CCDC38: variants seen among roughly 807,000 people sequenced by gnomAD.
CCDC38 encodes coiled-coil domain-containing protein 38.
A neutral mutation model predicts 72.8 loss-of-function variants in CCDC38; 69 were observed. That is an observed-to-expected ratio of 0.95 (90% CI 0.78 to 1.16). CCDC38 has a LOEUF of 1.16. CCDC38 is among the 50% of genes most tolerant of loss of function. The pLI is 0.00. For synonymous variants in CCDC38, 201 were observed against 213.2 expected, an observed-to-expected ratio of 0.94 and a Z score of 0.50; for missense variants, 626 against 638.9, an observed-to-expected ratio of 0.98 and a Z score of 0.22.
chr12:95,886,995 C>A (rs933984170), intron 10 of CCDC38, among the ~76,000 whole-genome samples: 12 of 152,188 alleles, frequency 7.9e-5, no homozygotes, highest in Admixed American at 1.3e-4. Flanking sequence ...ACCAGCCTGA[C>A]CAACATGGTG....
In CCDC38 at chr12:95,927,496, T is replaced by G. The variant is rs1592803589; in HGVS notation, c.38-8520A>C. ...ATGGGTCTTGACTCTTTATCCAATT[T>G]GCCAGTCTGTGCCTTTTAATTGAAG... On this transcript the variant is annotated intron_variant, in intron 2 of 15. Coordinates refer to ENST00000344280, the MANE Select transcript of CCDC38 (RefSeq NM_182496.3). 7.3e-5 allele frequency among the ~76,000 whole-genome samples: 11 copies of G among 151,534 alleles called. 1 individual carries two copies. In the South Asian group the frequency reaches 2.3e-3, roughly 32 times the overall value.
chr12:95,900,665 C>G (rs1241926151), intron 5 of CCDC38, among the ~76,000 whole-genome samples: 1 of 152,102 alleles, frequency 6.6e-6, no homozygotes, highest in African/African-American at 2.4e-5. Context: ...CATTAGAATG[C>G]CTGAGTATTT....
chr12:95,924,709 T>G (rs1232858766), intron 2 of CCDC38, among the ~76,000 whole-genome samples: 1 of 151,404 alleles, frequency 6.6e-6, no homozygotes. Context: ...CTTGAATTAA[T>G]TTTTGTATAA....
At chr12:95,874,840 G>T (rs2079619068) in intron 13 of CCDC38, among the ~76,000 whole-genome samples, 1 of 152,166 alleles carries the variant, frequency 6.6e-6, no homozygotes. Flanking sequence ...AAGGTTGCCG[G>T]GGTGGATATC....
intron 2 of CCDC38, among the ~76,000 whole-genome samples, chr12:95,924,589 G>T (rs1263647978): frequency 1.3e-5 from 2 of 150,832 alleles, no homozygotes; most frequent in Non-Finnish European, 3.0e-5. Context: ...ATTGCTTTTG[G>T]TGTTTTAGAC....
At chr12:95,892,948 A>G (rs1225531681) in intron 8 of CCDC38, among the ~76,000 whole-genome samples, 1 of 152,124 alleles carries the variant, frequency 6.6e-6, no homozygotes. Flanking sequence ...GACTGTTTCA[A>G]TTACTGAGAC....
chr12:95,874,064 CACTT>C (rs1231409276), intron 13 of CCDC38, among the ~76,000 whole-genome samples: 30 of 152,266 alleles, frequency 2.0e-4, no homozygotes, highest in Admixed American at 8.5e-4. Context: ...TCTAAAATAA[CACTT>C]ACTGTGTTTC....
chr12:95,885,954 T>A (rs1343760578), intron 10 of CCDC38, among the ~76,000 whole-genome samples: 1 of 152,184 alleles, frequency 6.6e-6, no homozygotes, highest in East Asian at 1.9e-4. Context: ...GGATAACATA[T>A]CTATACTGTG....
At chr12:95,891,662 T>C (rs116988617) in intron 8 of CCDC38, among the ~76,000 whole-genome samples, 1 of 152,258 alleles carries the variant, frequency 6.6e-6, no homozygotes, top group Non-Finnish European at 1.5e-5. Flanking sequence ...AAGGACTGAA[T>C]TTTAAATTGT....
intron 2 of CCDC38, among the ~76,000 whole-genome samples, chr12:95,927,266 T>C (rs1273224522): frequency 6.6e-6 from 1 of 152,052 alleles, no homozygotes; most frequent in Non-Finnish European, 1.5e-5. Context: ...TTAGCTCTTC[T>C]TGTTGAATTG....
chr12:95,891,536 T>C (rs1292122971), intron 8 of CCDC38, among the ~76,000 whole-genome samples: 1 of 151,954 alleles, frequency 6.6e-6, no homozygotes, highest in Non-Finnish European at 1.5e-5. Context: ...TTTGTAGAGA[T>C]GGGGTTTCAC....
At chr12:95,897,114 A>G (rs1463915857) in intron 7 of CCDC38, among the ~76,000 whole-genome samples, 2 of 152,176 alleles carry the variant, frequency 1.3e-5, no homozygotes, top group Non-Finnish European at 1.5e-5. Context: ...GTTTCAGAGA[A>G]ACCAACTCTG....
In CCDC38 at chr12:95,906,390, G is replaced by C; in HGVS notation, c.366C>G (p.Leu122=). Residue 122 remains leucine (L), a synonymous_variant, in exon 5 of 16, where the codon CTC becomes CTG. Transcript: ENST00000344280. ...FINDQRDRFL[L]EYALSTKRNT... The stretch of plus-strand genomic sequence containing the variant: ...GGAGAAAAGTTATTTTTACTACCTC[G>C]AGCAGAAACCTGTCTCTCTGGTCAT... The C allele has an allele frequency of 6.2e-7, 1 of 1,608,840 alleles. No individual in the cohort carries two copies. Among genetic ancestry groups the C allele is most frequent in the Non-Finnish European group, 8.5e-7 (1 of 1,176,030 alleles).
chr12:95,876,007 T>G (rs1056072513), intron 13 of CCDC38, among the ~76,000 whole-genome samples: 2 of 152,202 alleles, frequency 1.3e-5, no homozygotes, highest in African/African-American at 4.8e-5. Context: ...TCAATTGGTT[T>G]CAGAATTATT....
intron 1 of CCDC38, among the ~76,000 whole-genome samples, chr12:95,937,507 T>C (rs1399017056): frequency 6.6e-6 from 1 of 152,172 alleles, no homozygotes; most frequent in Non-Finnish European, 1.5e-5. Context: ...GGTGTAACTG[T>C]TACAATGAGA....
At chr12:95,897,856 A>C (rs924868858) in intron 7 of CCDC38, among the ~76,000 whole-genome samples, 3 of 152,060 alleles carry the variant, frequency 2.0e-5, no homozygotes, top group Non-Finnish European at 4.4e-5. Context: ...TCAGCTTCCA[A>C]AGGAGCTGAG....
chr12:95,887,080 G>C (rs1298541394), intron 10 of CCDC38, among the ~76,000 whole-genome samples: 1 of 152,060 alleles, frequency 6.6e-6, no homozygotes, highest in Non-Finnish European at 1.5e-5. Context: ...AGTTATTCAG[G>C]AAGCTGAGAC....
chr12:95,909,710 AG>A (rs2136708975), intron 4 of CCDC38, among the ~76,000 whole-genome samples: 1 of 152,330 alleles, frequency 6.6e-6, no homozygotes, highest in East Asian at 1.9e-4. Context: ...ACCACAATCA[AG>A]TGGGCTTTAC....
At chr12:95,901,700 T>C (rs926806794) in intron 5 of CCDC38, among the ~76,000 whole-genome samples, 3 of 152,156 alleles carry the variant, frequency 2.0e-5, no homozygotes, top group African/African-American at 7.2e-5. Context: ...AATAGACCAA[T>C]TGCTGCTGAA....
Sources: gnomAD v4.1 joint callset for allele counts (sites outside exome capture counted in the v4.1 genomes callset) on GRCh38, gnomAD v4.1.1 for gene constraint, MANE v1.5 for transcripts, NCBI Gene and HGNC (gene_info 2026-07-23, HGNC 2026-07-21) for gene names.